UHRF2: variants seen among roughly 807,000 people sequenced by gnomAD.
The protein encoded by UHRF2 is ubiquitin like with PHD and ring finger domains 2.
UHRF2 carries 23 observed loss-of-function variants against 96.8 expected under a neutral mutation model. The observed-to-expected ratio is 0.24, with a 90% CI of 0.17 to 0.34. The LOEUF is 0.34. UHRF2 is among the 10% of genes least tolerant of loss of function. UHRF2 has a pLI of 1.00. For missense variants in UHRF2, 685 were observed against 981.5 expected, an observed-to-expected ratio of 0.70 and a Z score of 4.04; for synonymous variants, 385 against 332.6, an observed-to-expected ratio of 1.16 and a Z score of -1.72.
At chr9:6,493,093 T>A (rs1181488116) in intron 9 of UHRF2, among the ~76,000 whole-genome samples, 1 of 151,666 alleles carries the variant, frequency 6.6e-6, no homozygotes, top group Non-Finnish European at 1.5e-5. Context: ...AGACCGGGAG[T>A]TGGAGACCAA....
intron 12 of UHRF2, chr9:6,499,256 C>G (rs1214028969): frequency 6.6e-6 from 1 of 150,948 alleles, no homozygotes; most frequent in Non-Finnish European, 1.5e-5. Flanking sequence ...CCCCACCCAC[C>G]CCCTCAAAGA....
intron 4 of UHRF2, among the ~76,000 whole-genome samples, chr9:6,473,080 G>A (rs1823346947): frequency 6.6e-6 from 1 of 152,136 alleles, no homozygotes; most frequent in African/African-American, 2.4e-5. Context: ...CTTTCCCACT[G>A]AAAGAAACTC....
Position 6,497,096 on chromosome 9 carries a change from AC to A in UHRF2, c.1605-100del, listed in dbSNP as rs1399219205. The A allele has an allele frequency of 1.3e-4, 130 of 978,808 alleles. 1 individual carries two copies. In the African/African-American group the frequency reaches 2.0e-3, roughly 15 times the overall value. 60.6% of individuals were successfully genotyped at this position (978,808 alleles called of 1,614,324 possible). ...ATATGGAAAGAATCATAGAATCTTA[AC>A]CATCAGGTAAGGTATAATTCACCTT... is the stretch of plus-strand genomic sequence containing the variant. On this transcript the variant is annotated intron_variant, in intron 10 of 15. Transcript: ENST00000276893.
intron 1 of UHRF2, chr9:6,415,185 T>C (rs1819523103): frequency 6.6e-6 from 1 of 152,220 alleles, no homozygotes; most frequent in African/African-American, 2.4e-5. Flanking sequence ...GCTAAAATAA[T>C]TATCACATAT....
chr9:6,438,944 G>A (rs932150463), intron 3 of UHRF2, among the ~76,000 whole-genome samples: 1 of 152,094 alleles, frequency 6.6e-6, no homozygotes, highest in African/African-American at 2.4e-5. Flanking sequence ...TTAGGTAGAG[G>A]AGTTTCAAAC....
intron 2 of UHRF2, among the ~76,000 whole-genome samples, chr9:6,428,541 T>TTG (rs1820387396): frequency 2.7e-4 from 2 of 7,522 alleles, no homozygotes; most frequent in African/African-American, 7.5e-4. Context: ...TGCTTTTTTT[T>TTG]TTTTTTTTTT....
At chr9:6,416,778 C>T (rs918002565) in intron 1 of UHRF2, among the ~76,000 whole-genome samples, 1 of 152,020 alleles carries the variant, frequency 6.6e-6, no homozygotes, top group Non-Finnish European at 1.5e-5. Context: ...CCGCCCGCCT[C>T]GGCCTCCCAA....
rs566775177 is a variant in UHRF2 at position 6,499,659 on chromosome 9, T to C, written c.1909-176T>C. The C allele has an allele frequency of 2.6e-5, 11 of 428,686 alleles. No individual in the cohort carries two copies. The East Asian group carries it at 4.2e-4, about 16-fold the overall frequency. 26.6% of individuals were successfully genotyped at this position (428,686 alleles called of 1,614,324 possible). ...ACAGCTACATAAATTGGGATTTTAA[T>C]AGTTGTCTGTGCTTTGAATTCTTTT... On this transcript the variant is annotated intron_variant, in intron 12 of 15. Coordinates refer to ENST00000276893, the MANE Select transcript of UHRF2 (RefSeq NM_152896.3).
At chr9:6,468,103 T>C (rs1391302014) in intron 4 of UHRF2, among the ~76,000 whole-genome samples, 1 of 152,212 alleles carries the variant, frequency 6.6e-6, no homozygotes, top group East Asian at 1.9e-4. Context: ...AGTTTCTTTT[T>C]TATTAGTACA....
chr9:6,446,033 C>T (rs533980838), intron 3 of UHRF2, among the ~76,000 whole-genome samples: 5 of 136,126 alleles, frequency 3.7e-5, no homozygotes, highest in African/African-American at 1.4e-4. Flanking sequence ...ACTCCCGTCA[C>T]CCAGGCAGGA....
At chr9:6,448,097 G>A (rs907979948) in intron 3 of UHRF2, among the ~76,000 whole-genome samples, 6 of 152,162 alleles carry the variant, frequency 3.9e-5, no homozygotes, top group African/African-American at 1.4e-4. Context: ...AGCCTACAAA[G>A]CCTACAATCT....
chr9:6,445,130 TAAAAAAAAA>T (rs34294660), intron 3 of UHRF2, among the ~76,000 whole-genome samples: 1 of 114,148 alleles, frequency 8.8e-6, no homozygotes, highest in Non-Finnish European at 1.7e-5. Context: ...ATCTCTTATT[TAAAAAAAAA>T]AAAAAAAAAA....
chr9:6,500,956 G>C (rs115251053), intron 14 of UHRF2, among the ~76,000 whole-genome samples: 3 of 152,124 alleles, frequency 2.0e-5, no homozygotes, highest in Non-Finnish European at 4.4e-5. Flanking sequence ...TTGAGGTACT[G>C]TTCCTCAGAA....
chr9:6,455,903 G>A (rs1310119757), intron 3 of UHRF2, among the ~76,000 whole-genome samples: 2 of 152,130 alleles, frequency 1.3e-5, no homozygotes, highest in Non-Finnish European at 2.9e-5. Context: ...AGGATTGCTT[G>A]AGCCTGGGAG....
intron 3 of UHRF2, among the ~76,000 whole-genome samples, chr9:6,450,837 C>T (rs1278615627): frequency 1.3e-5 from 2 of 152,130 alleles, no homozygotes; most frequent in African/African-American, 2.4e-5. Context: ...GCCCTGGGTT[C>T]AGCCATGTCT....
chr9:6,492,929 T>C (rs1281576987), intron 9 of UHRF2: 1 of 151,950 alleles, frequency 6.6e-6, no homozygotes, highest in South Asian at 2.1e-4. Flanking sequence ...GGGAGGCTAT[T>C]ATTTTACCTG....
chr9:6,478,399 T>C (rs1460423627), intron 6 of UHRF2, among the ~76,000 whole-genome samples: 1 of 152,258 alleles, frequency 6.6e-6, no homozygotes, highest in African/African-American at 2.4e-5. Flanking sequence ...ATCCTTGTTA[T>C]GTTCTATAAT....
intron 1 of UHRF2, among the ~76,000 whole-genome samples, chr9:6,414,808 CT>C (rs1263531600): frequency 2.6e-5 from 4 of 151,994 alleles, no homozygotes; most frequent in East Asian, 1.9e-4. Context: ...AAGGAGAGAG[CT>C]TTTTTTTCCC....
At chr9:6,496,101 T>C (rs1284181123) in intron 10 of UHRF2, 2 of 152,276 alleles carry the variant, frequency 1.3e-5, no homozygotes, top group East Asian at 3.9e-4. Context: ...ACTAAAAATA[T>C]AATTATGGTC....
Sources: gnomAD v4.1 joint callset for allele counts (sites outside exome capture counted in the v4.1 genomes callset) on GRCh38, gnomAD v4.1.1 for gene constraint, MANE v1.5 for transcripts, NCBI Gene and HGNC (gene_info 2026-07-23, HGNC 2026-07-21) for gene names.